The following TEX11 variants were observed in gnomAD, a reference collection of about 807,000 sequenced individuals.
TEX11 encodes the protein testis-expressed protein 11.
TEX11 carries 7 observed loss-of-function variants against 84.4 expected under a neutral mutation model. That is an observed-to-expected ratio of 0.08 (90% CI 0.05 to 0.16). The LOEUF (loss-of-function observed/expected upper bound fraction) is 0.16. TEX11 is among the 10% of genes least tolerant of loss of function. The probability of loss-of-function intolerance (pLI) is 1.00; values close to 1 mark genes in which losing one functional copy is unlikely to be tolerated. For synonymous variants in TEX11, 264 were observed against 222.8 expected (o/e 1.18, Z -1.64); for missense variants, 551 against 660.5 (o/e 0.83, Z 1.82).
At chrX:70,765,716 A>T (rs1480599590) in intron 9 of TEX11, among the ~76,000 whole-genome samples, 2 of 111,983 alleles carry the variant, frequency 1.8e-5, no homozygotes, top group Non-Finnish European at 3.8e-5. Context: ...CTTTCCTCTA[A>T]GATCTGGAAC....
intron 20 of TEX11, among the ~76,000 whole-genome samples, chrX:70,612,339 G>A (rs890461720): frequency 2.7e-5 from 3 of 111,201 alleles, no homozygotes; most frequent in Non-Finnish European, 3.8e-5. Flanking sequence ...AGACATAGCA[G>A]GAACGTTGGA....
At position 70,825,750 on chromosome X, in the gene TEX11, T is replaced by C. The variant is rs983326172; in HGVS notation, c.606+7763A>G. ...CAGCACTTTGGGAGGCCAAGGTGGG[T>C]GGATCACCTGAGGTCAGGAGTTCAA... On this transcript the variant is annotated intron_variant, in intron 8 of 29. Transcript: ENST00000374333. 4.1e-4 allele frequency among the ~76,000 whole-genome samples: 46 copies of C among 111,233 alleles called. 1 individual carries two copies. The highest frequency in any genetic ancestry group is 3.7e-3 in the Admixed American group (39 of 10,478).
intron 28 of TEX11, among the ~76,000 whole-genome samples, chrX:70,545,737 A>G (rs2088114551): frequency 8.9e-6 from 1 of 111,946 alleles, no homozygotes; most frequent in South Asian, 3.7e-4. Flanking sequence ...GCAGTTCAGT[A>G]AGTTTTCTTA....
chrX:70,539,038 A>ATTTTTTTTTT lies in TEX11; in HGVS notation c.2521-9049_2521-9040dup, dbSNP rs775537536. Among the ~76,000 whole-genome samples, 69 of 41,249 alleles carry ATTTTTTTTTT rather than the reference A, an allele frequency of 1.7e-3. 2 individuals are homozygous for ATTTTTTTTTT. The highest frequency in any genetic ancestry group is 5.7e-3 in the African/African-American group (62 of 10,892). 35.8% of individuals were successfully genotyped at this position (41,249 alleles called of 115,157 possible). ...CTTGGAAATATATATATATATATATATTTTTTTTTTTTTTAAGATGGAGTC... is the reference window on the plus strand; with the variant it reads ...CTTGGAAATATATATATATATATATATTTTTTTTTTTTTTTTTTTTTTTTAAGATGGAGTC... On this transcript the variant is annotated intron_variant, in intron 28 of 29. Coordinates refer to ENST00000374333, the MANE Select transcript of TEX11 (RefSeq NM_031276.3).
At chrX:70,706,544 G>A (rs956497926) in intron 13 of TEX11, among the ~76,000 whole-genome samples, 8 of 111,009 alleles carry the variant, frequency 7.2e-5, no homozygotes, top group Admixed American at 9.6e-5. Context: ...TAGGCAAGAA[G>A]TAGAATAGTT....
At chrX:70,715,736 A>T (rs895408111) in intron 13 of TEX11, among the ~76,000 whole-genome samples, 2 of 111,128 alleles carry the variant, frequency 1.8e-5, no homozygotes, top group African/African-American at 6.6e-5. Context: ...TTCGGTTTGA[A>T]CTTCCTCCTT....
At chrX:70,732,853 A>C (rs1178670249) in intron 11 of TEX11, among the ~76,000 whole-genome samples, 1 of 112,005 alleles carries the variant, frequency 8.9e-6, no homozygotes, top group Non-Finnish European at 1.9e-5. Flanking sequence ...AGACAATCCT[A>C]AGCCAAAAGA....
At chrX:70,610,471 G>A (rs1374869885) in intron 21 of TEX11, 32 bp downstream of exon 21, 4 of 1,176,671 alleles carry the variant, frequency 3.4e-6, no homozygotes, top group Non-Finnish European at 4.6e-6. Flanking sequence ...GAGGCAAGAT[G>A]AAGGACTGAA....
chrX:70,717,979 G>A (rs932701902), intron 13 of TEX11, among the ~76,000 whole-genome samples: 1 of 112,217 alleles, frequency 8.9e-6, no homozygotes, highest in African/African-American at 3.2e-5. Flanking sequence ...TGATTACTTT[G>A]TTGACTTGTA....
chrX:70,728,801 C>A (rs2090620293), intron 11 of TEX11, among the ~76,000 whole-genome samples: 1 of 91,005 alleles, frequency 1.1e-5, no homozygotes, highest in African/African-American at 4.1e-5. Context: ...TGTCTGACAG[C>A]TTTGAAGACA....
In TEX11 at chrX:70,722,714, T is replaced by C. The variant is rs556783918; in HGVS notation, c.926-18A>G. 34 of 1,123,384 alleles carry C rather than the reference T, an allele frequency of 3.0e-5. 1 individual carries two copies. In the South Asian group the frequency reaches 5.9e-4, roughly 20 times the overall value. The allele number at this position is 1,123,384 out of a possible 1,213,427, so 92.6% of individuals were successfully genotyped here. ...CATGACAGCTAACAAGATGAAAAAA[T>C]GAAATAATTATCAGTTTAATTTTTG... On this transcript the variant is annotated intron_variant, in intron 12 of 29. Transcript: ENST00000374333.
intron 2 of TEX11, among the ~76,000 whole-genome samples, chrX:70,890,485 C>T (rs757646917): frequency 2.7e-5 from 3 of 112,246 alleles, no homozygotes; most frequent in East Asian, 5.6e-4. Context: ...CCTGGAAAAA[C>T]GGGACACTCC....
intron 16 of TEX11, among the ~76,000 whole-genome samples, chrX:70,664,489 A>G (rs916913322): frequency 1.8e-5 from 2 of 111,796 alleles, no homozygotes; most frequent in African/African-American, 6.5e-5. Context: ...CATTCAATCA[A>G]TATTCACAAA....
chrX:70,906,826 TAAC>T (rs2091836849), intron 2 of TEX11, among the ~76,000 whole-genome samples: 1 of 111,718 alleles, frequency 9.0e-6, no homozygotes, highest in South Asian at 3.7e-4. Flanking sequence ...AAAAAAGTAT[TAAC>T]AAAATGTTGA....
chrX:70,548,951 C>T (rs1013039761), intron 28 of TEX11, among the ~76,000 whole-genome samples: 2 of 111,171 alleles, frequency 1.8e-5, no homozygotes, highest in Admixed American at 9.6e-5. Flanking sequence ...AGTGATTGCA[C>T]GACCCCTCCC....
intron 9 of TEX11, among the ~76,000 whole-genome samples, chrX:70,756,275 T>C (rs2090867348): frequency 8.9e-6 from 1 of 112,065 alleles, no homozygotes. Context: ...TCTCCCAGCA[T>C]GGTGTTCAGG....
intron 11 of TEX11, among the ~76,000 whole-genome samples, chrX:70,733,595 C>T (rs1466996299): frequency 1.8e-5 from 2 of 111,455 alleles, no homozygotes; most frequent in Non-Finnish European, 3.8e-5. Flanking sequence ...CAAATCAAAA[C>T]CACAGTGAGA....
intron 9 of TEX11, among the ~76,000 whole-genome samples, chrX:70,782,445 C>T (rs900205653): frequency 9.1e-5 from 10 of 109,788 alleles, no homozygotes; most frequent in Non-Finnish European, 1.7e-4. Flanking sequence ...ATCATAGTGA[C>T]GGGATTAAAT....
intron 8 of TEX11, 44 bp downstream of exon 8, chrX:70,833,469 T>C: frequency 2.9e-6 from 3 of 1,051,920 alleles, no homozygotes; most frequent in Non-Finnish European, 4.0e-6. Context: ...TGGAACTTGA[T>C]ATAGCATATT....
Sources: allele counts gnomAD v4.1 joint callset (sites outside exome capture counted in the v4.1 genomes callset), GRCh38; gene constraint gnomAD v4.1.1; transcripts MANE v1.5; gene names NCBI Gene and HGNC (gene_info 2026-07-23, HGNC 2026-07-21).